Variants in ODF4 observed in about 807,000 individuals in gnomAD.
ODF4 encodes the protein outer dense fiber protein 4.
A neutral mutation model predicts 17.0 loss-of-function variants in ODF4; 11 were observed. The observed-to-expected ratio is 0.65, with a 90% CI of 0.41 to 1.07. The LOEUF is 1.07. Among genes scored for constraint, ODF4 ranks in the 50% least tolerant of loss-of-function variants. The pLI is 0.00. For missense variants in ODF4, 281 were observed against 310.2 expected (o/e 0.91, Z 0.71); for synonymous variants, 127 against 121.8 (o/e 1.04, Z -0.28).
rs1168259273 is a variant in ODF4, at chr17:8,344,277, A to G, written c.455-1066A>G. On this transcript the variant is annotated intron_variant, in intron 1 of 2. Coordinates refer to ENST00000328248, the MANE Select transcript of ODF4 (RefSeq NM_153007.5). ...TTAGCAATTCTTTGTGTTGAGCTTT[A>G]TATGTTTATCAGACATTTGTACTCC... Among the ~76,000 whole-genome samples the G allele has an allele frequency of 7.1e-5, 9 of 127,600 alleles. 4 individuals are homozygous for G. Among genetic ancestry groups the G allele is most frequent in the African/African-American group, 1.3e-4 (4 of 30,868 alleles). 83.7% of individuals were successfully genotyped at this position (127,600 alleles called of 152,430 possible).
rs763611090 is a variant in ODF4 at position 8,345,667 on chromosome 17, G to GCGATC, written c.591_595dup (p.Leu199ArgfsTer14). Reference sequence around the variant, plus strand: ...TCTCCCCTGTCCCTGTCCTTTCCCAGCGATCCTTTGCTACTTCAACCATAA... The same window carrying GCGATC: ...TCTCCCCTGTCCCTGTCCTTTCCCAGCGATCCGATCCTTTGCTACTTCAACCATAA... On this transcript the variant is annotated frameshift_variant and splice_region_variant. Transcript: ENST00000328248. LOFTEE classifies it high-confidence loss of function. This position sits in a 1 kb window ranked among gnomAD's most constrained non-coding sequence, Gnocchi z 4.1. The GCGATC allele has an allele frequency of 1.2e-6, 2 of 1,613,846 alleles. No homozygotes were observed. The highest frequency in any genetic ancestry group is 2.2e-5 in the South Asian group (2 of 91,074).
In ODF4 at chr17:8,345,480, G is replaced by T; in HGVS notation, c.589+3G>T. 2 of 1,613,840 alleles carry T rather than the reference G, an allele frequency of 1.2e-6. No homozygotes were observed. Among genetic ancestry groups the T allele is most frequent in the Non-Finnish European group, 1.7e-6 (2 of 1,179,806 alleles). On this transcript the variant is annotated splice_donor_region_variant and intron_variant, in intron 2 of 2. Coordinates refer to ENST00000328248, the MANE Select transcript of ODF4 (RefSeq NM_153007.5). This position sits in a 1 kb window ranked among gnomAD's most constrained non-coding sequence, Gnocchi z 4.1. The stretch of plus-strand genomic sequence containing the variant: ...GCTTATCCTATACTTCACCTGCGGT[G>T]AGTGGCCAGAGGGCCCTGGGGGAAG...
chr17:8,340,353 C>G lies in ODF4; in HGVS notation c.302C>G (p.Ser101Cys), dbSNP rs1345419021. ...ATCCTACTATTGGTCGTGGCCTTCT[C>G]CAAGAAATGGCTGGACCTCTCTAGG... Reference protein sequence around the residue: ...AFILLLVVAFSKKWLDLSRSL... With the variant: ...AFILLLVVAFCKKWLDLSRSL... The change falls in exon 1 of 3, where the codon TCC (serine) becomes TGC (cysteine). Residue 101 changes from serine (S) to cysteine (C), a missense_variant. Physicochemically the swap from Ser to Cys is moderately radical, Grantham distance 112. Coordinates refer to ENST00000328248, the MANE Select transcript of ODF4 (RefSeq NM_153007.5). The G allele has an allele frequency of 6.2e-7, 1 of 1,612,946 alleles. No homozygotes were observed.
At position 8,345,134 on chromosome 17, in the gene ODF4, T is replaced by C; in HGVS notation, c.455-209T>C. The C allele has an allele frequency of 1.2e-6, 1 of 804,588 alleles. No individual in the cohort carries two copies. The highest frequency in any genetic ancestry group is 1.9e-6 in the Non-Finnish European group (1 of 535,148). 49.8% of individuals were successfully genotyped at this position (804,588 alleles called of 1,614,324 possible). A position where few individuals can be genotyped will look rare whatever the true frequency, so the allele number is the denominator to read the frequency against. The stretch of plus-strand genomic sequence containing the variant: ...TTCTTTGGGGGTGGTATGAGGGTTT[T>C]GTGGGTGGTGGGAGAACAGAACCGA... On this transcript the variant is annotated intron_variant, in intron 1 of 2. Coordinates refer to ENST00000328248, the MANE Select transcript of ODF4 (RefSeq NM_153007.5). The surrounding 1 kb of genome is among the most constrained non-coding windows in gnomAD (Gnocchi z 4.1).
rs1597477654 is a variant in ODF4, at chr17:8,345,094, G to A, written c.455-249G>A. On this transcript the variant is annotated intron_variant, in intron 1 of 2. Transcript: ENST00000328248. This position sits in a 1 kb window ranked among gnomAD's most constrained non-coding sequence, Gnocchi z 4.1. ...TTGTTTTCCTAACCCCCATCTTCCT[G>A]GGCACTTCTCCCTCTTCTTTGGGGG... The A allele has an allele frequency of 2.2e-6, 2 of 917,046 alleles. No homozygotes were observed. Among genetic ancestry groups the A allele is most frequent in the East Asian group, 3.5e-5 (1 of 28,400 alleles). 56.8% of individuals were successfully genotyped at this position (917,046 alleles called of 1,614,324 possible).
chr17:8,345,292 T>G lies in ODF4; in HGVS notation c.455-51T>G. On this transcript the variant is annotated intron_variant, in intron 1 of 2. Transcript: ENST00000328248. The surrounding 1 kb of genome is among the most constrained non-coding windows in gnomAD (Gnocchi z 4.1). ...GTAGCCTAGCAGATGAGGAAGAACCTCCTGTGGGACTCTTGTATGACAATG... is the reference window on the plus strand; with the variant it reads ...GTAGCCTAGCAGATGAGGAAGAACCGCCTGTGGGACTCTTGTATGACAATG... The G allele has an allele frequency of 6.4e-7, 1 of 1,560,350 alleles. No homozygotes were observed. The highest frequency in any genetic ancestry group is 8.8e-7 in the Non-Finnish European group (1 of 1,140,842).
In ODF4 at chr17:8,339,912, G is replaced by A. The variant is rs1012604466; in HGVS notation, c.-140G>A. The A allele has an allele frequency of 5.8e-6, 3 of 520,514 alleles. No individual in the cohort carries two copies. The highest frequency in any genetic ancestry group is 1.9e-5 in the African/African-American group (1 of 51,790). The allele number at this position is 520,514 out of a possible 1,614,324, so 32.2% of individuals were successfully genotyped here. On this transcript the variant is annotated 5_prime_UTR_variant, in exon 1 of 3. Transcript: ENST00000328248. Reference sequence around the variant, plus strand: ...TGGATCAAGAGTCTCTTATTTGATCGAGGTCTGTTATTAGACTTCCTCATT... The same window carrying A: ...TGGATCAAGAGTCTCTTATTTGATCAAGGTCTGTTATTAGACTTCCTCATT...
In ODF4 at chr17:8,340,091, G is replaced by A; in HGVS notation, c.40G>A (p.Glu14Lys). The change falls in exon 1 of 3, where the codon GAA (glutamate) becomes AAA (lysine). Residue 14 changes from glutamate (E) to lysine (K), a missense_variant. By Grantham distance (56) the Glu-to-Lys change is moderately conservative. Coordinates refer to ENST00000328248, the MANE Select transcript of ODF4 (RefSeq NM_153007.5). ...EYSGNEFPRS[E>K]GERDQHQRPG... ...CTCTGGGAATGAGTTCCCCAGGTCA[G>A]AAGGAGAAAGAGACCAACATCAGAG... The A allele has an allele frequency of 6.5e-7, 1 of 1,531,326 alleles. No homozygotes were observed. Among genetic ancestry groups the A allele is most frequent in the Non-Finnish European group, 8.8e-7 (1 of 1,141,878 alleles). 94.9% of individuals were successfully genotyped at this position (1,531,326 alleles called of 1,614,324 possible).
Position 8,345,643 on chromosome 17 carries a change from C to G in ODF4, c.590-25C>G, listed in dbSNP as rs2151658689. 6.2e-7 allele frequency: 1 copy of G among 1,606,848 alleles called. No homozygotes were observed. The highest frequency in any genetic ancestry group is 8.5e-7 in the Non-Finnish European group (1 of 1,174,374). On this transcript the variant is annotated intron_variant, in intron 2 of 2. Coordinates refer to ENST00000328248, the MANE Select transcript of ODF4 (RefSeq NM_153007.5). The surrounding 1 kb of genome is among the most constrained non-coding windows in gnomAD (Gnocchi z 4.1). ...TTAACCTCCCAGTCACAACTTTCCT[C>G]TCCCCTGTCCCTGTCCTTTCCCAGC... is the stretch of plus-strand genomic sequence containing the variant.
In ODF4 at chr17:8,345,222, A is replaced by G; in HGVS notation, c.455-121A>G. On this transcript the variant is annotated intron_variant, in intron 1 of 2. Transcript: ENST00000328248. The surrounding 1 kb of genome is among the most constrained non-coding windows in gnomAD (Gnocchi z 4.1). The stretch of plus-strand genomic sequence containing the variant: ...AGAAATGCAGGGGTTGACTCCTGGA[A>G]CCTCAGGGCCAGTCACTCTGTGTGT... 1 of 946,232 alleles carries G rather than the reference A, an allele frequency of 1.1e-6. No individual in the cohort carries two copies. The highest frequency in any genetic ancestry group is 2.4e-4 in the Middle Eastern group (1 of 4,196). 58.6% of individuals were successfully genotyped at this position (946,232 alleles called of 1,614,324 possible). A position where few individuals can be genotyped will look rare whatever the true frequency, so the allele number is the denominator to read the frequency against.
rs769764827 is a variant in ODF4, at chr17:8,339,889, G to C, written c.-163G>C. ...CTGAATGGGTTGGGGCCTTCTCTTG[G>C]ATCAAGAGTCTCTTATTTGATCGAG... On this transcript the variant is annotated 5_prime_UTR_variant, in exon 1 of 3. Transcript: ENST00000328248. 14 of 475,070 alleles carry C rather than the reference G, an allele frequency of 2.9e-5. No individual in the cohort carries two copies. Among genetic ancestry groups the C allele is most frequent in the Non-Finnish European group, 4.7e-5 (13 of 275,406 alleles). 29.4% of individuals were successfully genotyped at this position (475,070 alleles called of 1,614,324 possible).
chr17:8,343,345 C>T lies in ODF4; in HGVS notation c.455-1998C>T, dbSNP rs1338994972. Among the ~76,000 whole-genome samples, 4 of 72,718 alleles carry T rather than the reference C, an allele frequency of 5.5e-5. 1 individual carries two copies. Among genetic ancestry groups the T allele is most frequent in the Admixed American group, 2.2e-4 (2 of 8,972 alleles). The allele number at this position is 72,718 out of a possible 152,430, so 47.7% of individuals were successfully genotyped here. On this transcript the variant is annotated intron_variant, in intron 1 of 2. Transcript: ENST00000328248. ...CGGGGTTTTTACCATGTTGGCCAGG[C>T]TGGTTTCAAACTCCTGACCTCAAGT...
chr17:8,342,399 T>C (rs1161487642), intron 1 of ODF4, among the ~76,000 whole-genome samples: 4 of 152,020 alleles, frequency 2.6e-5, no homozygotes, highest in Non-Finnish European at 5.9e-5. Flanking sequence ...CCCACCACCA[T>C]GCCCAGCTAA....
intron 1 of ODF4, 52 bp downstream of exon 1, chr17:8,340,557 T>A (rs1567687409): frequency 9.4e-7 from 1 of 1,063,348 alleles, no homozygotes; most frequent in Non-Finnish European, 1.4e-6. Flanking sequence ...TGTCTTGGCC[T>A]CTGTATCTGC....
chr17:8,342,297 T>C (rs1906051900), intron 1 of ODF4, among the ~76,000 whole-genome samples: 1 of 152,168 alleles, frequency 6.6e-6, no homozygotes, highest in Admixed American at 6.6e-5. Flanking sequence ...CAGGCTGGAA[T>C]GCAGTTGCGG....
In ODF4 at chr17:8,345,495, C is replaced by T. The variant is rs113816845; in HGVS notation, c.589+18C>T. On this transcript the variant is annotated intron_variant, in intron 2 of 2. Coordinates refer to ENST00000328248, the MANE Select transcript of ODF4 (RefSeq NM_153007.5). The surrounding 1 kb of genome is among the most constrained non-coding windows in gnomAD (Gnocchi z 4.1). ...CACCTGCGGTGAGTGGCCAGAGGGCCCTGGGGGAAGGAAGCGACATGGGTA... is the reference window on the plus strand; with the variant it reads ...CACCTGCGGTGAGTGGCCAGAGGGCTCTGGGGGAAGGAAGCGACATGGGTA... 3,697 of 1,612,940 alleles carry T rather than the reference C, an allele frequency of 2.3e-3. 67 individuals are homozygous for T. The African/African-American group carries it at 0.042, about 19-fold the overall frequency.
chr17:8,342,174 T>C (rs542668837), intron 1 of ODF4, among the ~76,000 whole-genome samples: 17 of 152,340 alleles, frequency 1.1e-4, no homozygotes, highest in African/African-American at 3.6e-4. Flanking sequence ...AACTCAGGTG[T>C]GCCTGGCTCT....
In ODF4 at chr17:8,345,719, A is replaced by T. The variant is rs1360501386; in HGVS notation, c.641A>T (p.His214Leu). ...AGTTTCTGGAGTCTGATTCTGAGCCACCCCAGTGGTGCCGTGTCCTGCAGC... is the reference window on the plus strand; with the variant it reads ...AGTTTCTGGAGTCTGATTCTGAGCCTCCCCAGTGGTGCCGTGTCCTGCAGC... ...HKSFWSLILS[H>L]PSGAVSCSSS... is the part of the protein sequence containing the mutation. Residue 214 changes from histidine to leucine, a missense_variant, in exon 3 of 3, where the codon CAC (histidine) becomes CTC (leucine). His to Leu is a moderately conservative substitution (Grantham distance 99). Coordinates refer to ENST00000328248, the MANE Select transcript of ODF4 (RefSeq NM_153007.5). This position sits in a 1 kb window ranked among gnomAD's most constrained non-coding sequence, Gnocchi z 4.1. 7 of 1,613,914 alleles carry T rather than the reference A, an allele frequency of 4.3e-6. No individual in the cohort carries two copies. The highest frequency in any genetic ancestry group is 1.7e-5 in the Admixed American group (1 of 59,980).
Position 8,345,524 on chromosome 17 carries a change from T to TAGGGC in ODF4, c.589+52_589+56dup, listed in dbSNP as rs1229462710. On this transcript the variant is annotated intron_variant, in intron 2 of 2. Transcript: ENST00000328248. This position sits in a 1 kb window ranked among gnomAD's most constrained non-coding sequence, Gnocchi z 4.1. ...GGGGAAGGAAGCGACATGGGTAGGGTAGGGCAGGGAAAGTGTGGAGGGAAG... is the reference window on the plus strand; with the variant it reads ...GGGGAAGGAAGCGACATGGGTAGGGTAGGGCAGGGCAGGGAAAGTGTGGAGGGAAG... The TAGGGC allele has an allele frequency of 6.2e-7, 1 of 1,603,042 alleles. No homozygotes were observed. Among genetic ancestry groups the TAGGGC allele is most frequent in the Non-Finnish European group, 8.5e-7 (1 of 1,172,680 alleles).
Sources: allele counts gnomAD v4.1 joint callset (sites outside exome capture counted in the v4.1 genomes callset), GRCh38; gene constraint gnomAD v4.1.1; non-coding constraint Gnocchi (gnomAD v3.1); transcripts MANE v1.5; gene names NCBI Gene and HGNC (gene_info 2026-07-23, HGNC 2026-07-21).